The following GALNT18 variants were observed in gnomAD, a reference collection of about 807,000 sequenced individuals.
The protein encoded by GALNT18 is GalNAc-transferase 18.
GALNT18 carries 44 observed loss-of-function variants against 69.5 expected under a neutral mutation model. The observed-to-expected ratio is 0.63, with a 90% CI of 0.50 to 0.81. The LOEUF (loss-of-function observed/expected upper bound fraction) is 0.81. Ranked by LOEUF, GALNT18 falls within the 40% of genes least tolerant of loss-of-function variation. The pLI is 0.00. For missense variants in GALNT18, 715 were observed against 810.0 expected, an observed-to-expected ratio of 0.88 and a Z score of 1.42; for synonymous variants, 364 against 318.2, an observed-to-expected ratio of 1.14 and a Z score of -1.53.
At chr11:11,384,015 G>A (rs375925968) in intron 3 of GALNT18, among the ~76,000 whole-genome samples, 3 of 152,034 alleles carry the variant, frequency 2.0e-5, no homozygotes, top group Non-Finnish European at 2.9e-5. Flanking sequence ...ATAGCAGTGC[G>A]AGAATAGACT....
intron 3 of GALNT18, among the ~76,000 whole-genome samples, chr11:11,422,204 T>C (rs899000810): frequency 6.6e-6 from 1 of 152,146 alleles, no homozygotes; most frequent in African/African-American, 2.4e-5. Flanking sequence ...GTCATTACAG[T>C]AAGAGCTTGG....
rs867516813 is a variant in GALNT18 at position 11,601,219 on chromosome 11, T to G, written c.235+20140A>C. ...AAACCAGACATTTTAGATACTATATTTTAGACACTTTGAATACTGATTAAT... is the reference window on the plus strand; with the variant it reads ...AAACCAGACATTTTAGATACTATATGTTAGACACTTTGAATACTGATTAAT... On this transcript the variant is annotated intron_variant, in intron 1 of 10. Transcript: ENST00000227756. The surrounding 1 kb of genome is among the most constrained non-coding windows in gnomAD (Gnocchi z 4.0). Among the ~76,000 whole-genome samples, 3 of 152,250 alleles carry G rather than the reference T, an allele frequency of 2.0e-5. No individual in the cohort carries two copies. The highest frequency in any genetic ancestry group is 2.9e-5 in the Non-Finnish European group (2 of 68,044).
At chr11:11,419,323 A>G (rs1321686661) in intron 3 of GALNT18, among the ~76,000 whole-genome samples, 2 of 152,100 alleles carry the variant, frequency 1.3e-5, no homozygotes, top group Admixed American at 6.5e-5. Context: ...GTGGCCAGGC[A>G]TGGTGGCTCA....
At chr11:11,530,041 G>C (rs1458181484) in intron 1 of GALNT18, among the ~76,000 whole-genome samples, 2 of 152,126 alleles carry the variant, frequency 1.3e-5, no homozygotes, top group Admixed American at 1.3e-4. Context: ...TAGCAGCTTT[G>C]CTTGAAGTCA....
chr11:11,380,019 C>A (rs1035241227), intron 3 of GALNT18, among the ~76,000 whole-genome samples: 16 of 152,374 alleles, frequency 1.1e-4, no homozygotes, highest in Non-Finnish European at 1.8e-4. Context: ...ACAGCCCTCA[C>A]AGTTGGTTGG....
chr11:11,288,723 G>C (rs557859099), intron 10 of GALNT18, among the ~76,000 whole-genome samples: 1 of 152,198 alleles, frequency 6.6e-6, no homozygotes, highest in Non-Finnish European at 1.5e-5. Context: ...AGTATCTAAC[G>C]CTGTCCTGGT....
chr11:11,360,361 C>A (rs995930252), intron 6 of GALNT18, among the ~76,000 whole-genome samples: 1 of 152,178 alleles, frequency 6.6e-6, no homozygotes, highest in Non-Finnish European at 1.5e-5. Flanking sequence ...GCGTTTTGAC[C>A]CTGAGCAGGT....
At chr11:11,327,281 A>G (rs745181) in intron 8 of GALNT18, 100 bp from the exon 9 acceptor site, 314,178 of 897,386 alleles carry the variant, frequency 0.35, 56,254 homozygotes, top group African/African-American at 0.45. Flanking sequence ...GACAGATTTC[A>G]TGTCCATAAT....
chr11:11,327,508 G>C (rs1849944115), intron 8 of GALNT18, among the ~76,000 whole-genome samples: 3 of 152,360 alleles, frequency 2.0e-5, no homozygotes, highest in Middle Eastern at 6.8e-3. Flanking sequence ...CAGCCTTCAA[G>C]TGTCCCTGAG....
intron 1 of GALNT18, among the ~76,000 whole-genome samples, chr11:11,508,196 TTTTGGTCTCC>T (rs1481207066): frequency 6.6e-6 from 1 of 152,226 alleles, no homozygotes; most frequent in East Asian, 1.9e-4. Flanking sequence ...TTATATATCT[TTTTGGTCTCC>T]TTTGGTCTGG....
chr11:11,381,473 T>C (rs573606490), intron 3 of GALNT18, among the ~76,000 whole-genome samples: 1 of 152,092 alleles, frequency 6.6e-6, no homozygotes, highest in South Asian at 2.1e-4. Context: ...ATGACTAAGG[T>C]ATTGATGGGA....
intron 1 of GALNT18, among the ~76,000 whole-genome samples, chr11:11,589,261 C>G (rs1249305712): frequency 6.6e-6 from 1 of 152,140 alleles, no homozygotes; most frequent in Non-Finnish European, 1.5e-5. Context: ...GTGGCTAACT[C>G]TAGCATTTTT....
Position 11,529,752 on chromosome 11 carries a change from G to A in GALNT18, c.236-80816C>T, listed in dbSNP as rs140029626. ...AGACTGTATATGAGTGTGTGCCTAC[G>A]TATGCACATGTACCTATATGTGAAT... is the stretch of plus-strand genomic sequence containing the variant. On this transcript the variant is annotated intron_variant, in intron 1 of 10. Transcript: ENST00000227756. Among the ~76,000 whole-genome samples the A allele has an allele frequency of 1.6e-3, 236 of 152,234 alleles. 1 individual carries two copies. The highest frequency in any genetic ancestry group is 7.9e-3 in the South Asian group (38 of 4,810).
intron 1 of GALNT18, among the ~76,000 whole-genome samples, chr11:11,449,329 T>C (rs2133820686): frequency 6.6e-6 from 1 of 152,262 alleles, no homozygotes; most frequent in Admixed American, 6.5e-5. Context: ...TTTCCTGCAA[T>C]TCCCAAGCCC....
At chr11:11,485,930 AG>A (rs1327180336) in intron 1 of GALNT18, among the ~76,000 whole-genome samples, 4 of 152,096 alleles carry the variant, frequency 2.6e-5, no homozygotes, top group African/African-American at 9.7e-5. Flanking sequence ...TTCTCTAGGG[AG>A]GCCTATTGTG....
intron 1 of GALNT18, among the ~76,000 whole-genome samples, chr11:11,477,094 G>A (rs1856418232): frequency 6.6e-6 from 1 of 152,208 alleles, no homozygotes; most frequent in Non-Finnish European, 1.5e-5. Context: ...CCCTGAAGTT[G>A]GAGAACACAG....
chr11:11,490,854 C>T (rs1315675159), intron 1 of GALNT18, among the ~76,000 whole-genome samples: 1 of 152,208 alleles, frequency 6.6e-6, no homozygotes, highest in African/African-American at 2.4e-5. Context: ...CGCGGATTGT[C>T]AGAGGTTTGT....
chr11:11,351,355 A>T (rs1589928261), intron 6 of GALNT18, among the ~76,000 whole-genome samples: 1 of 152,190 alleles, frequency 6.6e-6, no homozygotes, highest in Non-Finnish European at 1.5e-5. Flanking sequence ...GATGACATAC[A>T]GCTCCAGGTT....
In GALNT18 at chr11:11,618,400, GTA is replaced by G. The variant is rs1860109710; in HGVS notation, c.235+2957_235+2958del. Among the ~76,000 whole-genome samples, 1 of 152,222 alleles carries G rather than the reference GTA, an allele frequency of 6.6e-6. No individual in the cohort carries two copies. Among genetic ancestry groups the G allele is most frequent in the Admixed American group, 6.5e-5 (1 of 15,288 alleles). On this transcript the variant is annotated intron_variant, in intron 1 of 10. Coordinates refer to ENST00000227756, the MANE Select transcript of GALNT18 (RefSeq NM_198516.3). This position sits in a 1 kb window ranked among gnomAD's most constrained non-coding sequence, Gnocchi z 6.1. ...TGCCAGGGACTGTCCTGCATGTTCAGTAAACATTAGTTAAAGGACTGGAACCT... is the reference window on the plus strand; with the variant it reads ...TGCCAGGGACTGTCCTGCATGTTCAGAACATTAGTTAAAGGACTGGAACCT...
Sources: gnomAD v4.1 joint callset for allele counts (sites outside exome capture counted in the v4.1 genomes callset) on GRCh38, gnomAD v4.1.1 for gene constraint, Gnocchi (gnomAD v3.1) non-coding constraint, MANE v1.5 for transcripts, NCBI Gene and HGNC (gene_info 2026-07-23, HGNC 2026-07-21) for gene names.